KIF13A: variants seen among roughly 807,000 people sequenced by gnomAD.
The protein encoded by KIF13A is kinesin-like protein KIF13A.
Under a neutral mutation model 212.2 loss-of-function variants are expected in KIF13A, and 79 were observed. That is an observed-to-expected ratio of 0.37 (90% CI 0.31 to 0.45). The LOEUF is 0.45. Ranked by LOEUF, KIF13A falls within the 20% of genes least tolerant of loss-of-function variation. The pLI is 1.00. For missense variants in KIF13A, 1,901 were observed against 2,209.0 expected (o/e 0.86, Z 2.79); for synonymous variants, 789 against 808.6 (o/e 0.98, Z 0.41).
chr6:17,813,042 T>C (rs1763573538), intron 17 of KIF13A, among the ~76,000 whole-genome samples: 3 of 152,214 alleles, frequency 2.0e-5, no homozygotes, highest in Non-Finnish European at 4.4e-5. Flanking sequence ...TATCAATGGG[T>C]ACAATTATAT....
chr6:17,832,563 G>C (rs1235333193), intron 12 of KIF13A, among the ~76,000 whole-genome samples: 1 of 151,862 alleles, frequency 6.6e-6, no homozygotes, highest in Non-Finnish European at 1.5e-5. Flanking sequence ...GCTTGAACTG[G>C]GGAGGCGGAG....
Position 17,834,457 on chromosome 6 carries a change from A to T in KIF13A, c.1156-386T>A, listed in dbSNP as rs998392217. Among the ~76,000 whole-genome samples the T allele has an allele frequency of 1.3e-5, 2 of 152,252 alleles. No individual in the cohort carries two copies. The highest frequency in any genetic ancestry group is 4.8e-5 in the African/African-American group (2 of 41,472). ...CACTCATCATCAATAAATGAATTCC[A>T]GTTAAATTAATCTGCTAGAAAAGGT... On this transcript the variant is annotated intron_variant, in intron 11 of 38. Transcript: ENST00000259711. The surrounding 1 kb of genome is among the most constrained non-coding windows in gnomAD (Gnocchi z 4.0).
chr6:17,784,764 G>A (rs1247274822), intron 28 of KIF13A, among the ~76,000 whole-genome samples: 1 of 152,174 alleles, frequency 6.6e-6, no homozygotes, highest in East Asian at 1.9e-4. Flanking sequence ...TACCGCAAGA[G>A]ACCTACAGGA....
In KIF13A at chr6:17,918,542, T is replaced by C. The variant is rs1316457623; in HGVS notation, c.147-20362A>G. Among the ~76,000 whole-genome samples, 1 of 152,214 alleles carries C rather than the reference T, an allele frequency of 6.6e-6. No homozygotes were observed. ...AGCTCTTAAAGTGGCAGGTATCAAG[T>C]GGGGAAGCTAATTCCCACTTCTGGG... is the stretch of plus-strand genomic sequence containing the variant. On this transcript the variant is annotated intron_variant, in intron 2 of 38. Coordinates refer to ENST00000259711, the MANE Select transcript of KIF13A (RefSeq NM_022113.6). This position sits in a 1 kb window ranked among gnomAD's most constrained non-coding sequence, Gnocchi z 4.8.
Position 17,826,682 on chromosome 6 carries a change from T to A in KIF13A, c.1533-558A>T, listed in dbSNP as rs1219080342. On this transcript the variant is annotated intron_variant, in intron 14 of 38. Transcript: ENST00000259711. The surrounding 1 kb of genome is among the most constrained non-coding windows in gnomAD (Gnocchi z 4.7). The stretch of plus-strand genomic sequence containing the variant: ...GGAATACTATAAAACAATGGTAGGA[T>A]CTTATCTGGATCCTAATTTCAAGAA... Among the ~76,000 whole-genome samples, 2 of 152,068 alleles carry A rather than the reference T, an allele frequency of 1.3e-5. No individual in the cohort carries two copies. The highest frequency in any genetic ancestry group is 2.9e-5 in the Non-Finnish European group (2 of 68,028).
intron 9 of KIF13A, among the ~76,000 whole-genome samples, chr6:17,842,141 C>T (rs2150387406): frequency 6.6e-6 from 1 of 152,020 alleles, no homozygotes; most frequent in Admixed American, 6.6e-5. Flanking sequence ...CTTGATCTCC[C>T]AGGATCAAGT....
At chr6:17,978,359 T>G (rs548777156) in intron 2 of KIF13A, among the ~76,000 whole-genome samples, 1 of 152,222 alleles carries the variant, frequency 6.6e-6, no homozygotes, top group African/African-American at 2.4e-5. Context: ...TGTCTAAATA[T>G]CCAGAAATAT....
chr6:17,874,299 G>GGT (rs56103328), intron 3 of KIF13A, among the ~76,000 whole-genome samples: 1 of 6,854 alleles, frequency 1.5e-4, no homozygotes, highest in South Asian at 7.0e-3. Flanking sequence ...TGGTGGTGGT[G>GGT]GGGGGGGTTC....
At chr6:17,844,026 C>G (rs1299440054) in intron 9 of KIF13A, among the ~76,000 whole-genome samples, 1 of 141,204 alleles carries the variant, frequency 7.1e-6, no homozygotes, top group Non-Finnish European at 1.5e-5. Flanking sequence ...GCCTGGGTGA[C>G]AGAGTGAGAC....
chr6:17,770,361 A>ATTTTTTTTTTTTTTTTTTTTTTTTTTTT (rs200616640), intron 38 of KIF13A: 2 of 119,446 alleles, frequency 1.7e-5, no homozygotes, highest in Non-Finnish European at 3.5e-5. Context: ...AATAAACAGG[A>ATTTTTTTTTTTTTTTTTTTTTTTTTTTT]TTTTTTTTTT....
At chr6:17,882,912 A>G (rs1182847355) in intron 3 of KIF13A, among the ~76,000 whole-genome samples, 1 of 152,180 alleles carries the variant, frequency 6.6e-6, no homozygotes, top group Non-Finnish European at 1.5e-5. Context: ...GAATTTCCAT[A>G]TCTGTCTAAT....
intron 4 of KIF13A, among the ~76,000 whole-genome samples, chr6:17,867,879 C>G (rs41341744): frequency 0.054 from 8,234 of 152,228 alleles, 569 homozygotes; most frequent in African/African-American, 0.16. Context: ...CAATATGAAG[C>G]AGAAATCATT....
rs1000903401 is a variant in KIF13A, at chr6:17,982,946, G to A, written c.146+4108C>T. ...AGCACTTTGGGAGGCCGAGGCAGGC[G>A]GATTACAAGGTCAGGAGTTTGAGAC... On this transcript the variant is annotated intron_variant, in intron 2 of 38. Transcript: ENST00000259711. This position sits in a 1 kb window ranked among gnomAD's most constrained non-coding sequence, Gnocchi z 5.1. Among the ~76,000 whole-genome samples the A allele has an allele frequency of 3.9e-5, 6 of 151,988 alleles. No individual in the cohort carries two copies. The highest frequency in any genetic ancestry group is 3.9e-4 in the East Asian group (2 of 5,184).
Position 17,789,856 on chromosome 6 carries a change from A to C in KIF13A, c.3261+16T>G. On this transcript the variant is annotated intron_variant, in intron 26 of 38. Coordinates refer to ENST00000259711, the MANE Select transcript of KIF13A (RefSeq NM_022113.6). The surrounding 1 kb of genome is among the most constrained non-coding windows in gnomAD (Gnocchi z 4.8). ...AGCTGTGCCCCATGCCACAGGATTG[A>C]CAGCAGTAGCAATACCTGATAACTA... 1 of 1,608,954 alleles carries C rather than the reference A, an allele frequency of 6.2e-7. No individual in the cohort carries two copies. The highest frequency in any genetic ancestry group is 8.5e-7 in the Non-Finnish European group (1 of 1,175,888).
chr6:17,975,587 T>TA (rs1780337353), intron 2 of KIF13A, among the ~76,000 whole-genome samples: 2 of 152,176 alleles, frequency 1.3e-5, no homozygotes, highest in Non-Finnish European at 2.9e-5. Context: ...GCGAACAAGT[T>TA]ACTGCCGCTA....
chr6:17,760,857 T>C, downstream of KIF13A: 2 of 1,613,832 alleles, frequency 1.2e-6, no homozygotes, highest in Non-Finnish European at 1.7e-6. Context: ...CTTGCTGCTC[T>C]CACCGTGAGG....
At chr6:17,860,279 T>A (rs972968030) in intron 4 of KIF13A, among the ~76,000 whole-genome samples, 3 of 151,954 alleles carry the variant, frequency 2.0e-5, no homozygotes, top group African/African-American at 7.3e-5. Context: ...ACCTCTGCCA[T>A]CTGGGTTCAA....
At chr6:17,909,093 A>G (rs1773790291) in intron 2 of KIF13A, among the ~76,000 whole-genome samples, 1 of 152,252 alleles carries the variant, frequency 6.6e-6, no homozygotes, top group Non-Finnish European at 1.5e-5. Context: ...TAAATGTTAG[A>G]TGCCATTGCT....
At chr6:17,969,932 T>G (rs1309238262) in intron 2 of KIF13A, among the ~76,000 whole-genome samples, 2 of 152,060 alleles carry the variant, frequency 1.3e-5, no homozygotes, top group Non-Finnish European at 1.5e-5. Context: ...GTTTTCTTTT[T>G]TTTTTTTTGA....
Sources: allele counts gnomAD v4.1 joint callset (sites outside exome capture counted in the v4.1 genomes callset), GRCh38; gene constraint gnomAD v4.1.1; non-coding constraint Gnocchi (gnomAD v3.1); transcripts MANE v1.5; gene names NCBI Gene and HGNC (gene_info 2026-07-23, HGNC 2026-07-21).